The following RFX3 variants were observed in gnomAD, a reference collection of about 807,000 sequenced individuals.
The protein encoded by RFX3 is transcription factor RFX3.
Under a neutral mutation model 98.6 loss-of-function variants are expected in RFX3, and 14 were observed. The observed-to-expected ratio is 0.14, with a 90% CI of 0.09 to 0.22. RFX3 has a LOEUF of 0.22. Among genes scored for constraint, RFX3 ranks in the 10% least tolerant of loss-of-function variants. RFX3 has a pLI of 1.00. For synonymous variants in RFX3, 383 were observed against 328.4 expected, an observed-to-expected ratio of 1.17 and a Z score of -1.80; for missense variants, 639 against 926.9, an observed-to-expected ratio of 0.69 and a Z score of 4.03.
chr9:3,352,971 G>T (rs945176368), intron 2 of RFX3, among the ~76,000 whole-genome samples: 4 of 151,844 alleles, frequency 2.6e-5, no homozygotes, highest in Non-Finnish European at 4.4e-5. Flanking sequence ...TGATAGACTG[G>T]ATTAAGAAAA....
intron 16 of RFX3, among the ~76,000 whole-genome samples, chr9:3,227,804 A>G (rs1045239471): frequency 6.6e-6 from 1 of 152,210 alleles, no homozygotes; most frequent in Non-Finnish European, 1.5e-5. Flanking sequence ...TAGAGTATAT[A>G]TTTGTAGCAA....
chr9:3,302,619 CA>C (rs1828800067), intron 4 of RFX3, among the ~76,000 whole-genome samples: 1 of 151,742 alleles, frequency 6.6e-6, no homozygotes, highest in East Asian at 1.9e-4. Context: ...TCAGTATAAG[CA>C]GTTATAAAAA....
chr9:3,288,004 T>A, intron 7 of RFX3, 127 bp downstream of exon 7: 2 of 884,172 alleles, frequency 2.3e-6, no homozygotes, highest in Non-Finnish European at 3.4e-6. Context: ...TTAAGAACTA[T>A]CTGTAGTGAA....
intron 1 of RFX3, among the ~76,000 whole-genome samples, chr9:3,460,699 C>A (rs1347158832): frequency 4.0e-5 from 6 of 151,706 alleles, no homozygotes; most frequent in Non-Finnish European, 8.8e-5. Context: ...TCCCTTAATC[C>A]CAACCCAACC....
intron 13 of RFX3, among the ~76,000 whole-genome samples, chr9:3,262,112 G>C (rs1305720634): frequency 6.6e-6 from 1 of 151,932 alleles, no homozygotes; most frequent in African/African-American, 2.4e-5. Flanking sequence ...CATTCTTGAT[G>C]GTCTCTTTTG....
chr9:3,327,605 T>C (rs1191910962), intron 4 of RFX3, among the ~76,000 whole-genome samples: 3 of 151,876 alleles, frequency 2.0e-5, no homozygotes, highest in Non-Finnish European at 4.4e-5. Flanking sequence ...AATTTTCTTA[T>C]TTAAAAAAAC....
intron 1 of RFX3, among the ~76,000 whole-genome samples, chr9:3,401,454 A>T (rs893888171): frequency 3.9e-5 from 6 of 152,208 alleles, no homozygotes; most frequent in African/African-American, 1.4e-4. Flanking sequence ...CCATTCATCC[A>T]GCAGTGGTTT....
At chr9:3,477,907 C>G (rs1024548974) in intron 1 of RFX3, among the ~76,000 whole-genome samples, 2 of 151,952 alleles carry the variant, frequency 1.3e-5, no homozygotes, top group African/African-American at 4.8e-5. Context: ...CTTCATTTGC[C>G]AATTTATATC....
chr9:3,390,127 T>C (rs754884195), intron 2 of RFX3, among the ~76,000 whole-genome samples: 2 of 152,196 alleles, frequency 1.3e-5, no homozygotes, highest in Non-Finnish European at 2.9e-5. Context: ...CTCATTGATA[T>C]GGTTTGCCTG....
In RFX3 at chr9:3,313,052, G is replaced by C. The variant is rs538552501; in HGVS notation, c.475-11432C>G. ...AGCACAGAATTTAAGATCTAAGAAC[G>C]GACAGATTGCCTCCTCAAGTGGGTC... On this transcript the variant is annotated intron_variant, in intron 4 of 16. Coordinates refer to ENST00000617270, the MANE Select transcript of RFX3 (RefSeq NM_001282116.2). Among the ~76,000 whole-genome samples the C allele has an allele frequency of 8.1e-4, 123 of 152,286 alleles. 1 individual carries two copies. The highest frequency in any genetic ancestry group is 2.8e-3 in the African/African-American group (118 of 41,558).
rs187284782 is a variant in RFX3 at position 3,245,226 on chromosome 9, C to A, written c.1968+2806G>T. Among the ~76,000 whole-genome samples the A allele has an allele frequency of 8.5e-5, 13 of 152,248 alleles. No individual in the cohort carries two copies. In the South Asian group the frequency reaches 2.7e-3, roughly 32 times the overall value. On this transcript the variant is annotated intron_variant, in intron 15 of 16. Coordinates refer to ENST00000617270, the MANE Select transcript of RFX3 (RefSeq NM_001282116.2). Reference sequence around the variant, plus strand: ...GGAGTAACTGAGTCTCCCTGAGAAACTGATTTTTACAACATGAAGTAGGAG... The same window carrying A: ...GGAGTAACTGAGTCTCCCTGAGAAAATGATTTTTACAACATGAAGTAGGAG...
intron 4 of RFX3, among the ~76,000 whole-genome samples, chr9:3,318,377 T>C (rs1830876271): frequency 6.6e-6 from 1 of 151,440 alleles, no homozygotes; most frequent in Non-Finnish European, 1.5e-5. Context: ...TGCTGTGGGG[T>C]GGAGGGAGCG....
chr9:3,384,798 T>TC (rs1249575953), intron 2 of RFX3, among the ~76,000 whole-genome samples: 2 of 151,982 alleles, frequency 1.3e-5, no homozygotes, highest in Non-Finnish European at 2.9e-5. Context: ...ACCACACCCT[T>TC]CCCACGCTCT....
At chr9:3,485,011 C>T (rs939982779) in intron 1 of RFX3, among the ~76,000 whole-genome samples, 3 of 151,292 alleles carry the variant, frequency 2.0e-5, no homozygotes, top group East Asian at 1.9e-4. Context: ...AGGCAGGAGG[C>T]TGAAGCGGGA....
chr9:3,396,442 G>C (rs1840885326), intron 1 of RFX3, among the ~76,000 whole-genome samples: 1 of 152,098 alleles, frequency 6.6e-6, no homozygotes. Context: ...GTCTATCATT[G>C]TTGGACATTT....
Position 3,361,648 on chromosome 9 carries a change from C to G in RFX3, c.118-14884G>C, listed in dbSNP as rs966703596. On this transcript the variant is annotated intron_variant, in intron 2 of 16. Coordinates refer to ENST00000617270, the MANE Select transcript of RFX3 (RefSeq NM_001282116.2). ...ACCAGCCTGAGAAACATAGTGAGACCTTGTTTCTTTAGGAAAAAAAAAAAA... is the reference window on the plus strand; with the variant it reads ...ACCAGCCTGAGAAACATAGTGAGACGTTGTTTCTTTAGGAAAAAAAAAAAA... Among the ~76,000 whole-genome samples, 3 of 137,764 alleles carry G rather than the reference C, an allele frequency of 2.2e-5. No homozygotes were observed. The Admixed American group carries it at 2.3e-4, about 10-fold the overall frequency. 90.4% of individuals were successfully genotyped at this position (137,764 alleles called of 152,430 possible). A position where few individuals can be genotyped will look rare whatever the true frequency, so the allele number is the denominator to read the frequency against.
At chr9:3,239,487 G>A (rs541777774) in intron 15 of RFX3, among the ~76,000 whole-genome samples, 135 of 152,340 alleles carry the variant, frequency 8.9e-4, no homozygotes, top group African/African-American at 2.9e-3. Context: ...TGGCCAATCT[G>A]TAAACAGGGC....
chr9:3,365,188 T>C (rs1186207865), intron 2 of RFX3, among the ~76,000 whole-genome samples: 4 of 150,902 alleles, frequency 2.7e-5, no homozygotes, highest in African/African-American at 7.3e-5. Flanking sequence ...TAGTCCCAGC[T>C]ACTCAGGAGG....
At chr9:3,473,017 T>C (rs1031522113) in intron 1 of RFX3, among the ~76,000 whole-genome samples, 5 of 152,128 alleles carry the variant, frequency 3.3e-5, no homozygotes, top group African/African-American at 1.2e-4. Flanking sequence ...AAAACACTCA[T>C]TAAAAAATAG....
Sources: allele counts gnomAD v4.1 joint callset (sites outside exome capture counted in the v4.1 genomes callset), GRCh38; gene constraint gnomAD v4.1.1; transcripts MANE v1.5; gene names NCBI Gene and HGNC (gene_info 2026-07-23, HGNC 2026-07-21).